The following TENM3 variants were observed in gnomAD, a reference collection of about 807,000 sequenced individuals.
TENM3 encodes the protein teneurin transmembrane protein 3, also known as teneurin-3.
A neutral mutation model predicts 255.1 loss-of-function variants in TENM3; 63 were observed. That is an observed-to-expected ratio of 0.25 (90% CI 0.20 to 0.30). The LOEUF is 0.30. Ranked by LOEUF, TENM3 falls within the 10% of genes least tolerant of loss-of-function variation. TENM3 has a pLI of 1.00. For missense variants in TENM3, 2,929 were observed against 3,461.1 expected (o/e 0.85, Z 3.86); for synonymous variants, 1,306 against 1,322.3 (o/e 0.99, Z 0.27).
the TENM3 span, among the ~76,000 whole-genome samples, chr4:181,543,113 A>G: frequency 6.6e-6 from 1 of 152,198 alleles, no homozygotes; most frequent in Non-Finnish European, 1.5e-5. Context: ...ATATACATGG[A>G]AAGACAGAAC....
At chr4:181,513,743 C>T in the TENM3 span, among the ~76,000 whole-genome samples, 1 of 152,166 alleles carries the variant, frequency 6.6e-6, no homozygotes, top group African/African-American at 2.4e-5. Context: ...GAGGCTTTAA[C>T]AGTAGGTCCT....
the TENM3 span, among the ~76,000 whole-genome samples, chr4:181,471,236 T>G: frequency 6.6e-6 from 1 of 152,284 alleles, no homozygotes; most frequent in African/African-American, 2.4e-5. Flanking sequence ...CATTTACCAA[T>G]CTCAGTTCCA....
At chr4:182,411,100 G>A (rs895723016) in intron 3 of TENM3, among the ~76,000 whole-genome samples, 10 of 152,022 alleles carry the variant, frequency 6.6e-5, no homozygotes, top group African/African-American at 2.4e-4. Flanking sequence ...GGTTGGATAC[G>A]TGGACTTATC....
rs994900909 is a variant in TENM3 at position 182,480,112 on chromosome 4, G to A, written c.512-120812G>A. Among the ~76,000 whole-genome samples, 11 of 151,916 alleles carry A rather than the reference G, an allele frequency of 7.2e-5. No individual in the cohort carries two copies. The South Asian group carries it at 8.3e-4, about 11-fold the overall frequency. On this transcript the variant is annotated intron_variant, in intron 3 of 27. Transcript: ENST00000511685. Reference sequence around the variant, plus strand: ...AACAGTATTCTGTTTTGAGAATTACGATCTATATTATTGTAGAATTTTAAA... The same window carrying A: ...AACAGTATTCTGTTTTGAGAATTACAATCTATATTATTGTAGAATTTTAAA...
At chr4:182,505,449 G>T (rs758533261) in intron 3 of TENM3, among the ~76,000 whole-genome samples, 5 of 151,548 alleles carry the variant, frequency 3.3e-5, no homozygotes, top group African/African-American at 4.9e-5. Context: ...TGCTTCCTCT[G>T]CTTTTCCTTT....
chr4:181,636,688 C>T, the TENM3 span, among the ~76,000 whole-genome samples: 3 of 152,198 alleles, frequency 2.0e-5, no homozygotes, highest in Admixed American at 6.5e-5. Context: ...AAGCGCCCAT[C>T]GTGTCTTACT....
At chr4:182,612,271 C>CAAA (rs67422711) in intron 4 of TENM3, among the ~76,000 whole-genome samples, 6 of 67,004 alleles carry the variant, frequency 9.0e-5, no homozygotes, top group East Asian at 7.9e-4. Context: ...GACTCGGTCT[C>CAAA]AAAAAAAAAA....
the TENM3 span, among the ~76,000 whole-genome samples, chr4:181,658,762 G>C: frequency 1.3e-5 from 2 of 152,196 alleles, no homozygotes; most frequent in South Asian, 4.2e-4. Context: ...AGCCCACCTT[G>C]CAAATGAAAA....
At chr4:182,218,468 G>C (rs1755643915) in intron 1 of TENM3, among the ~76,000 whole-genome samples, 1 of 152,176 alleles carries the variant, frequency 6.6e-6, no homozygotes, top group African/African-American at 2.4e-5. Context: ...TAAGCTGCCT[G>C]ATGACCCTGG....
At chr4:182,062,200 G>A in the TENM3 span, among the ~76,000 whole-genome samples, 31 of 152,280 alleles carry the variant, frequency 2.0e-4, no homozygotes, top group South Asian at 1.7e-3. Flanking sequence ...CCCCTGAAAT[G>A]TGTACCCAAG....
At position 182,714,335 on chromosome 4, in the gene TENM3, A is replaced by C. The variant is rs912024240; in HGVS notation, c.2368+102A>C. On this transcript the variant is annotated intron_variant, in intron 13 of 27. Transcript: ENST00000511685. ...GTTGCCAAAAAAAAAAAAAAAAAAA[A>C]AAAACCTGATCCCCATCGATTAGAT... 3.3e-6 allele frequency: 3 copies of C among 914,860 alleles called. No homozygotes were observed. The Admixed American group carries it at 9.8e-5, about 30-fold the overall frequency. The allele number at this position is 914,860 out of a possible 1,614,324, so 56.7% of individuals were successfully genotyped here.
At chr4:181,665,392 A>C in the TENM3 span, among the ~76,000 whole-genome samples, 2 of 152,180 alleles carry the variant, frequency 1.3e-5, no homozygotes, top group Non-Finnish European at 2.9e-5. Flanking sequence ...CCTTAGGAGA[A>C]ATATTCTGTG....
intron 3 of TENM3, among the ~76,000 whole-genome samples, chr4:182,354,295 C>T (rs1209174411): frequency 6.6e-6 from 1 of 152,246 alleles, no homozygotes; most frequent in Admixed American, 6.5e-5. Flanking sequence ...TATGAATGTA[C>T]CAAAACTGAT....
chr4:181,912,021 A>G, the TENM3 span, among the ~76,000 whole-genome samples: 10 of 152,350 alleles, frequency 6.6e-5, no homozygotes, highest in African/African-American at 2.4e-4. Flanking sequence ...AGTGTATTTT[A>G]GGATCATACG....
chr4:182,353,217 G>T (rs987436447), intron 3 of TENM3, among the ~76,000 whole-genome samples: 7 of 152,136 alleles, frequency 4.6e-5, no homozygotes, highest in Non-Finnish European at 1.0e-4. Flanking sequence ...GCCTACTTTG[G>T]TTGTTGATTG....
chr4:181,466,160 C>T, the TENM3 span, among the ~76,000 whole-genome samples: 332 of 150,678 alleles, frequency 2.2e-3, 2 homozygotes, highest in African/African-American at 7.6e-3. Flanking sequence ...TCTTGTCCCC[C>T]AGGCTAGAGT....
chr4:182,461,327 G>A (rs1774306089), intron 3 of TENM3, among the ~76,000 whole-genome samples: 1 of 152,178 alleles, frequency 6.6e-6, no homozygotes, highest in South Asian at 2.1e-4. Flanking sequence ...TTCAGGTGGA[G>A]AGGCACATGA....
chr4:182,139,922 G>C (rs2149530567), upstream of TENM3, among the ~76,000 whole-genome samples: 1 of 152,328 alleles, frequency 6.6e-6, no homozygotes, highest in South Asian at 2.1e-4. Context: ...CCATTCAGTG[G>C]CTCCAAAATG....
chr4:181,930,452 C>A, the TENM3 span, among the ~76,000 whole-genome samples: 1 of 152,094 alleles, frequency 6.6e-6, no homozygotes, highest in Non-Finnish European at 1.5e-5. Context: ...ATACACCCTA[C>A]CAAGACTAAA....
Sources: allele counts gnomAD v4.1 joint callset (sites outside exome capture counted in the v4.1 genomes callset), GRCh38; gene constraint gnomAD v4.1.1; transcripts MANE v1.5; gene names NCBI Gene and HGNC (gene_info 2026-07-23, HGNC 2026-07-21).